Variants in AGBL4 observed in about 807,000 individuals in gnomAD.
AGBL4 encodes AGBL carboxypeptidase 4.
In AGBL4, 58 loss-of-function variants were observed where a neutral mutation model predicts 66.4. The observed-to-expected ratio is 0.87, with a 90% CI of 0.71 to 1.09. AGBL4 has a LOEUF of 1.09. Ranked by LOEUF, AGBL4 falls within the 50% of genes least tolerant of loss-of-function variation. The pLI is 0.00. For synonymous variants in AGBL4, 234 were observed against 222.9 expected (o/e 1.05, Z -0.44); for missense variants, 579 against 631.0 (o/e 0.92, Z 0.88).
In AGBL4 at chr1:49,714,569, CATATAT is replaced by C. The variant is rs60965691; in HGVS notation, c.158-17138_158-17133del. On this transcript the variant is annotated intron_variant, in intron 2 of 13. Transcript: ENST00000371839. ...GTTTGTTATAGTTGAGTAGTATTTA[CATATAT>C]ATATATATATATATATATACACACA... Among the ~76,000 whole-genome samples the C allele has an allele frequency of 2.5e-3, 355 of 141,694 alleles. 1 individual carries two copies. The highest frequency in any genetic ancestry group is 7.3e-3 in the Middle Eastern group (2 of 274). 93.0% of individuals were successfully genotyped at this position (141,694 alleles called of 152,430 possible).
intron 4 of AGBL4, among the ~76,000 whole-genome samples, chr1:49,076,102 A>T (rs1324726788): frequency 6.6e-6 from 1 of 152,212 alleles, no homozygotes. Flanking sequence ...TCAATTTTCA[A>T]TGGAATTGTT....
intron 3 of AGBL4, among the ~76,000 whole-genome samples, chr1:49,513,201 A>C (rs1649437548): frequency 6.6e-6 from 1 of 152,036 alleles, no homozygotes; most frequent in Non-Finnish European, 1.5e-5. Flanking sequence ...GCCAGAATGA[A>C]TATTTCTCCT....
Position 49,124,703 on chromosome 1 carries a change from T to C in AGBL4, c.378-78903A>G, listed in dbSNP as rs188145407. Among the ~76,000 whole-genome samples the C allele has an allele frequency of 2.8e-3, 421 of 152,294 alleles. 2 individuals carry two copies. Among genetic ancestry groups the C allele is most frequent in the Non-Finnish European group, 4.1e-3 (280 of 68,030 alleles). ...CATACAGGGTTGTTAAGATTAACTG[T>C]AGATAAAGTAGCAAGATTTTATGGA... On this transcript the variant is annotated intron_variant, in intron 4 of 13. Transcript: ENST00000371839.
At chr1:48,887,998 T>A (rs1157948701) in intron 5 of AGBL4, among the ~76,000 whole-genome samples, 1 of 152,088 alleles carries the variant, frequency 6.6e-6, no homozygotes, top group Non-Finnish European at 1.5e-5. Context: ...CCCTCTTAAT[T>A]GGAAGCCAAA....
intron 3 of AGBL4, among the ~76,000 whole-genome samples, chr1:49,412,212 T>C (rs1469443802): frequency 6.6e-6 from 1 of 152,124 alleles, no homozygotes; most frequent in Non-Finnish European, 1.5e-5. Context: ...ATTCTCACAG[T>C]TCTGGAGGCT....
chr1:49,666,911 G>A (rs1646382103), intron 3 of AGBL4, among the ~76,000 whole-genome samples: 1 of 152,046 alleles, frequency 6.6e-6, no homozygotes, highest in African/African-American at 2.4e-5. Flanking sequence ...GTTGGAGTAA[G>A]CACTTTACTA....
chr1:49,730,724 C>T (rs1226891713), intron 2 of AGBL4, among the ~76,000 whole-genome samples: 1 of 152,128 alleles, frequency 6.6e-6, no homozygotes, highest in African/African-American at 2.4e-5. Flanking sequence ...GGGCTGGTAG[C>T]ATAAGCCAAC....
chr1:49,053,545 T>C lies in AGBL4; in HGVS notation c.378-7745A>G, dbSNP rs140786236. Among the ~76,000 whole-genome samples the C allele has an allele frequency of 3.4e-3, 525 of 152,276 alleles. 1 individual carries two copies. The highest frequency in any genetic ancestry group is 5.9e-3 in the Non-Finnish European group (398 of 68,006). On this transcript the variant is annotated intron_variant, in intron 4 of 13. Coordinates refer to ENST00000371839, the MANE Select transcript of AGBL4 (RefSeq NM_032785.4). ...TAGTTAGTGGGATCAATAGGAAATG[T>C]GGAAAATAATTGGTTAGGAGAATTT...
At chr1:49,429,498 T>TGC (rs1343042398) in intron 3 of AGBL4, among the ~76,000 whole-genome samples, 1 of 152,216 alleles carries the variant, frequency 6.6e-6, no homozygotes, top group Non-Finnish European at 1.5e-5. Flanking sequence ...CTTCAAATAC[T>TGC]AAAATCAGCT....
chr1:49,740,852 T>G (rs969595154), intron 2 of AGBL4, among the ~76,000 whole-genome samples: 1 of 152,072 alleles, frequency 6.6e-6, no homozygotes, highest in Non-Finnish European at 1.5e-5. Context: ...TTGAAACCAA[T>G]GAGAACAAAC....
At chr1:49,705,975 T>C (rs1647206419) in intron 2 of AGBL4, among the ~76,000 whole-genome samples, 1 of 152,206 alleles carries the variant, frequency 6.6e-6, no homozygotes, top group South Asian at 2.1e-4. Flanking sequence ...TTCCCATCTA[T>C]GTTAATCAGG....
intron 3 of AGBL4, among the ~76,000 whole-genome samples, chr1:49,549,934 T>C (rs1156581637): frequency 6.6e-6 from 1 of 152,198 alleles, no homozygotes; most frequent in East Asian, 1.9e-4. Context: ...TTAGGTCTAT[T>C]AGTAATTGTT....
intron 1 of AGBL4, among the ~76,000 whole-genome samples, chr1:49,938,021 CA>C (rs922311599): frequency 6.7e-6 from 1 of 148,202 alleles, no homozygotes; most frequent in Non-Finnish European, 1.5e-5. Context: ...AAAATAGAGA[CA>C]AAAAAAGCCC....
chr1:49,938,373 T>G lies in AGBL4; in HGVS notation c.34+85390A>C, dbSNP rs375709179. ...TAATCAATAGCTTACCAACCAAAAATAGTCCAGGACCAGATGGATTCACAG... is the reference window on the plus strand; with the variant it reads ...TAATCAATAGCTTACCAACCAAAAAGAGTCCAGGACCAGATGGATTCACAG... On this transcript the variant is annotated intron_variant, in intron 1 of 13. Coordinates refer to ENST00000371839, the MANE Select transcript of AGBL4 (RefSeq NM_032785.4). 8.9e-3 allele frequency among the ~76,000 whole-genome samples: 1,356 copies of G among 151,978 alleles called. 11 individuals carry two copies. The highest frequency in any genetic ancestry group is 0.02 in the Middle Eastern group (6 of 294).
At chr1:49,649,544 C>G (rs1456460870) in intron 3 of AGBL4, among the ~76,000 whole-genome samples, 1 of 152,114 alleles carries the variant, frequency 6.6e-6, no homozygotes, top group African/African-American at 2.4e-5. Flanking sequence ...GCCCCTTTAT[C>G]AGAAATGGAC....
intron 11 of AGBL4, among the ~76,000 whole-genome samples, chr1:48,543,421 TCCATC>T (rs1557773997): frequency 6.6e-6 from 1 of 151,684 alleles, no homozygotes; most frequent in Non-Finnish European, 1.5e-5. Context: ...CATCCATCCA[TCCATC>T]CATCTACCCG....
rs925085944 is a variant in AGBL4 at position 48,661,330 on chromosome 1, G to A, written c.724+1822C>T. ...CCAGGTGGCAAGGAGCAGGCACAGG[G>A]CCTGCCAGGCAGAGGGAGCAGCAGG... On this transcript the variant is annotated intron_variant, in intron 7 of 13. Coordinates refer to ENST00000371839, the MANE Select transcript of AGBL4 (RefSeq NM_032785.4). 2.0e-5 allele frequency among the ~76,000 whole-genome samples: 3 copies of A among 152,178 alleles called. No individual in the cohort carries two copies. The South Asian group carries it at 6.2e-4, about 32-fold the overall frequency.
intron 5 of AGBL4, among the ~76,000 whole-genome samples, chr1:48,979,643 T>G (rs1232022243): frequency 6.6e-6 from 1 of 151,972 alleles, no homozygotes; most frequent in Non-Finnish European, 1.5e-5. Context: ...TTTTTTTAAT[T>G]TGGGGGGAAC....
intron 6 of AGBL4, among the ~76,000 whole-genome samples, chr1:48,768,206 A>C (rs1170883738): frequency 6.6e-6 from 1 of 152,088 alleles, no homozygotes; most frequent in East Asian, 1.9e-4. Flanking sequence ...TAACTTCCTA[A>C]AGTGCCTGCC....
Sources: gnomAD v4.1 joint callset for allele counts (sites outside exome capture counted in the v4.1 genomes callset) on GRCh38, gnomAD v4.1.1 for gene constraint, MANE v1.5 for transcripts, NCBI Gene and HGNC (gene_info 2026-07-23, HGNC 2026-07-21) for gene names.